The following NR5A2 variants were observed in gnomAD, a reference collection of about 807,000 sequenced individuals.
NR5A2 encodes nuclear receptor subfamily 5 group A member 2, also known as CYP7A promoter-binding factor.
NR5A2 carries 26 observed loss-of-function variants against 62.7 expected under a neutral mutation model. The observed-to-expected ratio is 0.41, with a 90% confidence interval of 0.30 to 0.58. The LOEUF is 0.58. Ranked by LOEUF, NR5A2 falls within the 20% of genes least tolerant of loss-of-function variation. The pLI is 0.22. For synonymous variants in NR5A2, 246 were observed against 241.7 expected (o/e 1.02, Z -0.16); for missense variants, 541 against 669.1 (o/e 0.81, Z 2.11).
At chr1:200,063,276 G>A (rs1234544605) in intron 5 of NR5A2, among the ~76,000 whole-genome samples, 3 of 151,946 alleles carry the variant, frequency 2.0e-5, no homozygotes, top group Non-Finnish European at 2.9e-5. Context: ...CACCTCCCTC[G>A]GCCTCGCAAA....
At chr1:200,078,800 G>A (rs1228056123) in intron 5 of NR5A2, among the ~76,000 whole-genome samples, 1 of 152,142 alleles carries the variant, frequency 6.6e-6, no homozygotes, top group Admixed American at 6.5e-5. Context: ...TTAATGAATA[G>A]TGTAAGCCTC....
At chr1:200,067,736 A>G (rs974623126) in intron 5 of NR5A2, among the ~76,000 whole-genome samples, 2 of 152,200 alleles carry the variant, frequency 1.3e-5, no homozygotes, top group African/African-American at 4.8e-5. Context: ...ACAAGAGTTC[A>G]CCTAGGTAAC....
Position 200,048,781 on chromosome 1 carries a change from A to G in NR5A2, c.1073A>G (p.Glu358Gly), listed in dbSNP as rs913607008. 2 of 1,614,180 alleles carry G rather than the reference A, an allele frequency of 1.2e-6. No homozygotes were observed. The highest frequency in any genetic ancestry group is 1.7e-6 in the Non-Finnish European group (2 of 1,180,032). The change falls in exon 5 of 8, where the codon GAG becomes GGG. Residue 358 changes from glutamate (E) to glycine (G), a missense_variant. By Grantham distance (98) the Glu-to-Gly change is moderately conservative. This residue lies in a region of NR5A2 where 379 missense variants were observed against 442.0 expected (regional missense o/e 0.86). Coordinates refer to ENST00000367362, the MANE Select transcript of NR5A2 (RefSeq NM_205860.3). This position sits in a 1 kb window ranked among gnomAD's most constrained non-coding sequence, Gnocchi z 4.8. ...GATCAAACTCTCTTCTCCATTGTCG[A>G]GTGGGCCAGGAGTAGTATCTTCTTC... is the stretch of plus-strand genomic sequence containing the variant. ...MADQTLFSIV[E>G]WARSSIFFRE...
chr1:200,117,408 AAATTAGC>A (rs1420511553), intron 6 of NR5A2, among the ~76,000 whole-genome samples: 1 of 152,216 alleles, frequency 6.6e-6, no homozygotes, highest in Non-Finnish European at 1.5e-5. Context: ...TTGAGCTTTC[AAATTAGC>A]ATGTAAATAA....
chr1:200,113,137 T>C (rs981206992), intron 6 of NR5A2, among the ~76,000 whole-genome samples: 7 of 152,260 alleles, frequency 4.6e-5, no homozygotes, highest in Admixed American at 1.3e-4. Flanking sequence ...CTTTGTGTTT[T>C]GTCATCAGAA....
chr1:200,166,560 C>T (rs989716020), intron 7 of NR5A2, among the ~76,000 whole-genome samples: 2 of 152,200 alleles, frequency 1.3e-5, no homozygotes, highest in African/African-American at 4.8e-5. Flanking sequence ...CTAACCAGCA[C>T]TTCCCATTCT....
Position 200,074,033 on chromosome 1 carries a change from C to T in NR5A2, c.1110+25215C>T, listed in dbSNP as rs144793655. ...GAATCAACTCAATCTTAAAGAATTC[C>T]TCTTGAATTTTTCTTCAAGACTGAT... On this transcript the variant is annotated intron_variant, in intron 5 of 7. Coordinates refer to ENST00000367362, the MANE Select transcript of NR5A2 (RefSeq NM_205860.3). Among the ~76,000 whole-genome samples, 123 of 152,196 alleles carry T rather than the reference C, an allele frequency of 8.1e-4. 2 individuals are homozygous for T. Among genetic ancestry groups the T allele is most frequent in the Non-Finnish European group, 2.2e-4 (15 of 68,004 alleles).
chr1:200,151,806 A>G (rs1653141324), intron 7 of NR5A2, among the ~76,000 whole-genome samples: 1 of 152,254 alleles, frequency 6.6e-6, no homozygotes, highest in African/African-American at 2.4e-5. Flanking sequence ...ATACTGAATT[A>G]GTATTTACTA....
intron 6 of NR5A2, among the ~76,000 whole-genome samples, chr1:200,111,861 C>G (rs1665969944): frequency 6.6e-6 from 1 of 152,068 alleles, no homozygotes; most frequent in African/African-American, 2.4e-5. Context: ...GGTCCTACAC[C>G]TTTCTGAACA....
At chr1:200,080,877 T>C (rs1664261824) in intron 5 of NR5A2, among the ~76,000 whole-genome samples, 1 of 152,242 alleles carries the variant, frequency 6.6e-6, no homozygotes, top group Admixed American at 6.5e-5. Context: ...ACAATCCCTA[T>C]TCATATTGCC....
Position 200,048,510 on chromosome 1 carries a change from G to T in NR5A2, c.802G>T (p.Ala268Ser), listed in dbSNP as rs746650608. 6.2e-7 allele frequency: 1 copy of T among 1,614,154 alleles called. No individual in the cohort carries two copies. Among genetic ancestry groups the T allele is most frequent in the Admixed American group, 1.7e-5 (1 of 60,024 alleles). The change falls in exon 5 of 8, where the codon GCC (alanine) becomes TCC (serine). Residue 268 changes from alanine to serine, a missense_variant. Coordinates refer to ENST00000367362, the MANE Select transcript of NR5A2 (RefSeq NM_205860.3). The surrounding 1 kb of genome is among the most constrained non-coding windows in gnomAD (Gnocchi z 4.8). ...AACATATGGCCACTTTCCTAGCCGG[G>T]CCATCAAGTCTGAGTACCCAGACCC... is the stretch of plus-strand genomic sequence containing the variant. The part of the protein sequence containing the change: ...YQTYGHFPSR[A>S]IKSEYPDPYT...
chr1:200,151,640 C>G (rs1653129108), intron 7 of NR5A2, among the ~76,000 whole-genome samples: 1 of 152,180 alleles, frequency 6.6e-6, no homozygotes, highest in African/African-American at 2.4e-5. Flanking sequence ...TATAAAATCT[C>G]TCAAAGGGAA....
At chr1:200,058,458 C>T (rs1663027803) in intron 5 of NR5A2, 1 of 152,060 alleles carries the variant, frequency 6.6e-6, no homozygotes, top group East Asian at 1.9e-4. Context: ...CCCGAAGATA[C>T]ATACATTTAT....
In NR5A2 at chr1:200,098,874, T is replaced by C. The variant is rs184106546; in HGVS notation, c.1111-12328T>C. On this transcript the variant is annotated intron_variant, in intron 5 of 7. Coordinates refer to ENST00000367362, the MANE Select transcript of NR5A2 (RefSeq NM_205860.3). ...TATGTTTAGGGCACTGGCATAAATA[T>C]TTCCCACTAAATATTCTACACTATC... Among the ~76,000 whole-genome samples, 6 of 152,314 alleles carry C rather than the reference T, an allele frequency of 3.9e-5. No homozygotes were observed. The East Asian group carries it at 1.2e-3, about 29-fold the overall frequency.
chr1:200,144,306 T>C (rs1436438894), intron 7 of NR5A2, among the ~76,000 whole-genome samples: 1 of 151,490 alleles, frequency 6.6e-6, no homozygotes, highest in East Asian at 1.9e-4. Flanking sequence ...CCTAAAGCCT[T>C]GTGCCGTGGG....
Position 200,167,804 on chromosome 1 carries a change from T to C in NR5A2, c.1379-6159T>C, listed in dbSNP as rs1209686414. Among the ~76,000 whole-genome samples, 3 of 152,310 alleles carry C rather than the reference T, an allele frequency of 2.0e-5. No individual in the cohort carries two copies. In the East Asian group the frequency reaches 5.8e-4, roughly 29 times the overall value. On this transcript the variant is annotated intron_variant, in intron 7 of 7. Transcript: ENST00000367362. ...TCTCTAGGGTTTGTATATAGACCACTGTCTGCTAGGATGTGCGTTCTCTTC... is the reference window on the plus strand; with the variant it reads ...TCTCTAGGGTTTGTATATAGACCACCGTCTGCTAGGATGTGCGTTCTCTTC...
chr1:200,088,379 T>C (rs1664658924), intron 5 of NR5A2, among the ~76,000 whole-genome samples: 1 of 152,180 alleles, frequency 6.6e-6, no homozygotes, highest in Non-Finnish European at 1.5e-5. Context: ...TGCCTCCGCC[T>C]CCTGAGTAGC....
intron 1 of NR5A2, chr1:200,029,223 C>T (rs1228398387): frequency 9.3e-6 from 2 of 214,508 alleles, no homozygotes; most frequent in East Asian, 1.8e-4. Context: ...TGCGCGCGCA[C>T]GGGGGACGCG....
intron 5 of NR5A2, among the ~76,000 whole-genome samples, chr1:200,109,971 G>A (rs1303007123): frequency 6.6e-6 from 1 of 152,088 alleles, no homozygotes; most frequent in Non-Finnish European, 1.5e-5. Flanking sequence ...CACCATGTTG[G>A]CCAGGATGGT....
Sources: allele counts gnomAD v4.1 joint callset (sites outside exome capture counted in the v4.1 genomes callset), GRCh38; gene constraint gnomAD v4.1.1; regional missense constraint gnomAD v4.1.1; non-coding constraint Gnocchi (gnomAD v3.1); transcripts MANE v1.5; gene names NCBI Gene and HGNC (gene_info 2026-07-23, HGNC 2026-07-21).